CYB5B: variants seen among roughly 807,000 people sequenced by gnomAD.
CYB5B encodes cytochrome b5 type B.
Under a neutral mutation model 21.3 loss-of-function variants are expected in CYB5B, and 14 were observed. That is an observed-to-expected ratio of 0.66 (90% CI 0.43 to 1.03). The LOEUF is 1.03. Ranked by LOEUF, CYB5B falls within the 50% of genes least tolerant of loss-of-function variation. The pLI, the probability that CYB5B is intolerant of heterozygous loss-of-function variation, is 0.00. For missense variants in CYB5B, 166 were observed against 185.1 expected (o/e 0.90, Z 0.60); for synonymous variants, 69 against 68.4 (o/e 1.01, Z -0.04).
intron 1 of CYB5B, among the ~76,000 whole-genome samples, chr16:69,441,341 A>G (rs2014821417): frequency 6.6e-6 from 1 of 152,094 alleles, no homozygotes; most frequent in Non-Finnish European, 1.5e-5. Flanking sequence ...TTTTTAGTAC[A>G]GACAGGGTTT....
At chr16:69,455,832 T>C (rs1274776480) in intron 3 of CYB5B, among the ~76,000 whole-genome samples, 1 of 152,170 alleles carries the variant, frequency 6.6e-6, no homozygotes, top group Non-Finnish European at 1.5e-5. Context: ...CGGTAGTGCT[T>C]CTTCAGTCTT....
intron 1 of CYB5B, among the ~76,000 whole-genome samples, chr16:69,431,401 A>G (rs1264994046): frequency 6.6e-6 from 1 of 152,240 alleles, no homozygotes; most frequent in Non-Finnish European, 1.5e-5. Context: ...TCTATATAGT[A>G]GTAGGCCCTG....
intron 3 of CYB5B, among the ~76,000 whole-genome samples, chr16:69,458,667 G>C (rs1218759728): frequency 6.6e-6 from 1 of 152,152 alleles, no homozygotes; most frequent in Non-Finnish European, 1.5e-5. Context: ...GCATTTCACA[G>C]TTGATCTACA....
intron 1 of CYB5B, among the ~76,000 whole-genome samples, chr16:69,440,358 T>G (rs2014807083): frequency 6.6e-6 from 1 of 152,206 alleles, no homozygotes; most frequent in African/African-American, 2.4e-5. Flanking sequence ...TTCTATGAAT[T>G]TACTTTACAT....
rs996312131 is a variant in CYB5B, at chr16:69,465,534, T to G, written c.*3014T>G. On this transcript the variant is annotated 3_prime_UTR_variant, in exon 5 of 5. Transcript: ENST00000307892. ...TCCCTTGGAACCTATCGTTTGAGCCTGTAAAGTTGTTTTAGCAGTTGTCAT... is the reference window on the plus strand; with the variant it reads ...TCCCTTGGAACCTATCGTTTGAGCCGGTAAAGTTGTTTTAGCAGTTGTCAT... 2 of 152,244 alleles carry G rather than the reference T, an allele frequency of 1.3e-5. No homozygotes were observed. The highest frequency in any genetic ancestry group is 2.9e-5 in the Non-Finnish European group (2 of 68,032). 9.4% of individuals were successfully genotyped at this position (152,244 alleles called of 1,614,324 possible). A position where few individuals can be genotyped will look rare whatever the true frequency, so the allele number is the denominator to read the frequency against.
intron 1 of CYB5B, among the ~76,000 whole-genome samples, chr16:69,446,614 G>A (rs1307709914): frequency 5.9e-5 from 9 of 152,170 alleles, no homozygotes; most frequent in Non-Finnish European, 1.0e-4. Flanking sequence ...ATGAGCCACC[G>A]TGCCTGGCCT....
At chr16:69,438,015 G>A (rs2014778532) in intron 1 of CYB5B, among the ~76,000 whole-genome samples, 1 of 152,052 alleles carries the variant, frequency 6.6e-6, no homozygotes, top group African/African-American at 2.4e-5. Context: ...TCTATCTCCA[G>A]AATTTTTCAT....
chr16:69,429,157 C>T (rs1191572747), intron 1 of CYB5B, among the ~76,000 whole-genome samples: 1 of 152,002 alleles, frequency 6.6e-6, no homozygotes, highest in African/African-American at 2.4e-5. Context: ...GTCTCTCTGA[C>T]TTGAAGAATG....
At position 69,462,814 on chromosome 16, in the gene CYB5B, T is replaced by C; in HGVS notation, c.*294T>C. The C allele has an allele frequency of 3.4e-6, 1 of 291,440 alleles. No individual in the cohort carries two copies. The highest frequency in any genetic ancestry group is 6.6e-6 in the Non-Finnish European group (1 of 151,580). 18.1% of individuals were successfully genotyped at this position (291,440 alleles called of 1,614,324 possible). Reference sequence around the variant, plus strand: ...TTCACAACTTTCTGTTCATAAGTTATAGTGACATTGCTCTTTGGTAAAAAT... The same window carrying C: ...TTCACAACTTTCTGTTCATAAGTTACAGTGACATTGCTCTTTGGTAAAAAT... On this transcript the variant is annotated 3_prime_UTR_variant, in exon 5 of 5. Coordinates refer to ENST00000307892, the MANE Select transcript of CYB5B (RefSeq NM_030579.3).
intron 3 of CYB5B, among the ~76,000 whole-genome samples, chr16:69,455,761 C>T (rs111668328): frequency 1.3e-3 from 199 of 151,966 alleles, no homozygotes; most frequent in East Asian, 1.4e-3. Flanking sequence ...GCTTATGGTG[C>T]GACAAGGATC....
At chr16:69,446,170 C>T (rs1266825736) in intron 1 of CYB5B, among the ~76,000 whole-genome samples, 1 of 152,026 alleles carries the variant, frequency 6.6e-6, no homozygotes, top group Non-Finnish European at 1.5e-5. Context: ...TTAATATGTA[C>T]AATAGTTGTC....
chr16:69,428,608 A>G (rs1259780773), intron 1 of CYB5B, among the ~76,000 whole-genome samples: 1 of 152,114 alleles, frequency 6.6e-6, no homozygotes, highest in Non-Finnish European at 1.5e-5. Context: ...GCGATCCAAG[A>G]TTGTGGCACT....
Position 69,462,774 on chromosome 16 carries a change from T to G in CYB5B, c.*254T>G, listed in dbSNP as rs546818684. 1.0e-4 allele frequency: 45 copies of G among 437,318 alleles called. No homozygotes were observed. The highest frequency in any genetic ancestry group is 7.9e-4 in the African/African-American group (40 of 50,872). 27.1% of individuals were successfully genotyped at this position (437,318 alleles called of 1,614,324 possible). A position where few individuals can be genotyped will look rare whatever the true frequency, so the allele number is the denominator to read the frequency against. ...TGTTTCCTCTCTTCACTGGTTTCCA[T>G]GAGTACCCTTATATTTCACAACTTT... On this transcript the variant is annotated 3_prime_UTR_variant, in exon 5 of 5. Transcript: ENST00000307892.
chr16:69,450,642 A>T (rs2014923081), intron 3 of CYB5B, among the ~76,000 whole-genome samples: 1 of 152,198 alleles, frequency 6.6e-6, no homozygotes, highest in Non-Finnish European at 1.5e-5. Flanking sequence ...GGTGTCTAGG[A>T]TGTAGGTATC....
chr16:69,434,163 C>T (rs918665535), intron 1 of CYB5B, among the ~76,000 whole-genome samples: 2 of 152,150 alleles, frequency 1.3e-5, no homozygotes, highest in African/African-American at 4.8e-5. Context: ...GCTTCTTTTG[C>T]TCAGTATATC....
intron 1 of CYB5B, among the ~76,000 whole-genome samples, chr16:69,445,459 A>G (rs1245061816): frequency 6.6e-6 from 1 of 152,258 alleles, no homozygotes; most frequent in Non-Finnish European, 1.5e-5. Flanking sequence ...TATTTAAAAT[A>G]GGAATGATAA....
At chr16:69,429,953 G>T (rs1478070500) in intron 1 of CYB5B, among the ~76,000 whole-genome samples, 1 of 152,258 alleles carries the variant, frequency 6.6e-6, no homozygotes, top group Middle Eastern at 3.4e-3. Flanking sequence ...ACTGGAGTTT[G>T]AATGTGGTAG....
chr16:69,460,016 T>C lies in CYB5B; in HGVS notation c.362+895T>C, dbSNP rs572435958. Among the ~76,000 whole-genome samples the C allele has an allele frequency of 1.3e-3, 194 of 152,152 alleles. 1 individual carries two copies. Among genetic ancestry groups the C allele is most frequent in the African/African-American group, 4.6e-3 (189 of 41,496 alleles). On this transcript the variant is annotated intron_variant, in intron 4 of 4. Coordinates refer to ENST00000307892, the MANE Select transcript of CYB5B (RefSeq NM_030579.3). ...TTGTAATCCCAGCACTTTGGGAGGC[T>C]GAGGCGGGTGGATCATGAGGTCAGG...
intron 1 of CYB5B, among the ~76,000 whole-genome samples, chr16:69,437,064 G>T (rs555693277): frequency 1.3e-5 from 2 of 152,272 alleles, no homozygotes; most frequent in African/African-American, 4.8e-5. Flanking sequence ...AGTTGAACTG[G>T]ATAAAATTTT....
Sources: gnomAD v4.1 joint callset for allele counts (sites outside exome capture counted in the v4.1 genomes callset) on GRCh38, gnomAD v4.1.1 for gene constraint, MANE v1.5 for transcripts, NCBI Gene and HGNC (gene_info 2026-07-23, HGNC 2026-07-21) for gene names.